Variants in MRTFB observed in about 807,000 individuals in gnomAD.
MRTFB encodes the protein myocardin related transcription factor B.
In MRTFB, 29 loss-of-function variants were observed where a neutral mutation model predicts 104.2. The ratio of observed to expected loss-of-function variants is 0.28; its 90% CI spans 0.21 to 0.38. The LOEUF (loss-of-function observed/expected upper bound fraction) is 0.38, where lower values mean the gene tolerates loss of function less well. Ranked by LOEUF, MRTFB falls within the 10% of genes least tolerant of loss-of-function variation. The pLI is 1.00. For synonymous variants in MRTFB, 535 were observed against 519.5 expected (o/e 1.03, Z -0.41); for missense variants, 1,270 against 1,341.6 (o/e 0.95, Z 0.83).
the MRTFB span, among the ~76,000 whole-genome samples, chr16:14,063,311 T>TA: frequency 6.6e-6 from 1 of 152,214 alleles, no homozygotes; most frequent in African/African-American, 2.4e-5. Flanking sequence ...ATTAATTTTT[T>TA]AAAATCACAT....
At chr16:14,199,612 C>T (rs1327946556) in intron 3 of MRTFB, among the ~76,000 whole-genome samples, 1 of 152,220 alleles carries the variant, frequency 6.6e-6, no homozygotes, top group Non-Finnish European at 1.5e-5. Flanking sequence ...CCTTCAAACA[C>T]ACTGTCCACT....
chr16:14,222,108 T>C (rs751808228), intron 8 of MRTFB, among the ~76,000 whole-genome samples: 1 of 152,138 alleles, frequency 6.6e-6, no homozygotes, highest in Non-Finnish European at 1.5e-5. Context: ...TGTGGACTAA[T>C]CCTTGTAAAG....
intron 3 of MRTFB, among the ~76,000 whole-genome samples, chr16:14,155,066 A>G (rs1264723468): frequency 2.6e-5 from 4 of 152,204 alleles, no homozygotes; most frequent in Admixed American, 6.5e-5. Flanking sequence ...GTTCAAATCT[A>G]TCATCCATCA....
intron 9 of MRTFB, 39 bp from the exon 10 acceptor site, chr16:14,240,198 A>G (rs1251716116): frequency 2.6e-6 from 4 of 1,542,744 alleles, no homozygotes; most frequent in Non-Finnish European, 3.5e-6. Context: ...TTATGTGGTG[A>G]CATCTCTTTA....
At chr16:14,078,494 G>C (rs531906943) in intron 1 of MRTFB, among the ~76,000 whole-genome samples, 3 of 151,862 alleles carry the variant, frequency 2.0e-5, no homozygotes, top group African/African-American at 7.3e-5. Context: ...CAGTGGCACA[G>C]TTATGGCTTA....
chr16:14,106,836 C>G (rs2036005690), intron 2 of MRTFB, among the ~76,000 whole-genome samples: 1 of 152,150 alleles, frequency 6.6e-6, no homozygotes, highest in Non-Finnish European at 1.5e-5. Context: ...GCTCCTATCC[C>G]TAGGCAGCTT....
At chr16:14,037,586 C>T in the MRTFB span, among the ~76,000 whole-genome samples, 2 of 152,104 alleles carry the variant, frequency 1.3e-5, no homozygotes, top group Non-Finnish European at 2.9e-5. Context: ...TCACTGCCTC[C>T]GTATTGGGTG....
chr16:14,228,741 C>G (rs1171828690), intron 8 of MRTFB, among the ~76,000 whole-genome samples: 3 of 152,158 alleles, frequency 2.0e-5, no homozygotes, highest in Non-Finnish European at 4.4e-5. Flanking sequence ...AGTATTCAGC[C>G]TTTAAAAAGG....
the MRTFB span, among the ~76,000 whole-genome samples, chr16:14,056,005 G>A: frequency 1.4e-3 from 220 of 152,044 alleles, no homozygotes; most frequent in Non-Finnish European, 2.8e-3. Context: ...TTGAGACAGA[G>A]TCTCACTCTG....
chr16:14,028,477 C>T, the MRTFB span, among the ~76,000 whole-genome samples: 1 of 152,140 alleles, frequency 6.6e-6, no homozygotes, highest in Non-Finnish European at 1.5e-5. Context: ...CAGTGCTGTG[C>T]TAGGACTGGG....
At chr16:14,055,115 G>A in the MRTFB span, among the ~76,000 whole-genome samples, 3 of 152,198 alleles carry the variant, frequency 2.0e-5, no homozygotes, top group East Asian at 5.8e-4. Flanking sequence ...ACTTTGGGAG[G>A]CTGAGGCGGG....
At chr16:14,079,760 T>A (rs2034283798) in intron 2 of MRTFB, among the ~76,000 whole-genome samples, 1 of 152,108 alleles carries the variant, frequency 6.6e-6, no homozygotes, top group African/African-American at 2.4e-5. Context: ...GGTTTTTTTT[T>A]ACTATAATAA....
chr16:14,128,487 C>T (rs2037269756), intron 2 of MRTFB, among the ~76,000 whole-genome samples: 1 of 152,206 alleles, frequency 6.6e-6, no homozygotes, highest in Admixed American at 6.5e-5. Flanking sequence ...GTAATGCCTT[C>T]ACCTACTGCG....
chr16:14,088,371 G>T (rs1332803619), intron 2 of MRTFB, among the ~76,000 whole-genome samples: 2 of 152,192 alleles, frequency 1.3e-5, no homozygotes, highest in Non-Finnish European at 2.9e-5. Context: ...ACTTGGGCAT[G>T]CAGCTAGTAG....
chr16:14,111,355 G>A (rs917329050), intron 2 of MRTFB, among the ~76,000 whole-genome samples: 5 of 151,998 alleles, frequency 3.3e-5, no homozygotes, highest in Non-Finnish European at 2.9e-5. Flanking sequence ...AGTGGCCTTT[G>A]CCCTTAATAA....
chr16:14,218,798 C>T (rs1201135894), intron 7 of MRTFB, 22 bp from the exon 8 acceptor site: 7 of 1,570,530 alleles, frequency 4.5e-6, no homozygotes, highest in Non-Finnish European at 1.7e-6. Context: ...TAAGTCAAGT[C>T]AAAAATCATT....
intron 10 of MRTFB, among the ~76,000 whole-genome samples, chr16:14,243,071 T>C (rs1220283761): frequency 1.3e-5 from 2 of 152,116 alleles, no homozygotes; most frequent in African/African-American, 4.8e-5. Context: ...TCTAAAAGGC[T>C]CTTTCGGGGG....
intron 3 of MRTFB, among the ~76,000 whole-genome samples, chr16:14,198,497 G>A (rs1290110263): frequency 6.6e-6 from 1 of 152,224 alleles, no homozygotes; most frequent in Non-Finnish European, 1.5e-5. Flanking sequence ...TTTAGAGCCA[G>A]TGAATAACTT....
At chr16:14,005,763 C>T in the MRTFB span, among the ~76,000 whole-genome samples, 1 of 152,294 alleles carries the variant, frequency 6.6e-6, no homozygotes, top group East Asian at 1.9e-4. Flanking sequence ...CAGTCCAGGG[C>T]CCCCTTAGGC....
Sources: gnomAD v4.1 joint callset for allele counts (sites outside exome capture counted in the v4.1 genomes callset) on GRCh38, gnomAD v4.1.1 for gene constraint, MANE v1.5 for transcripts, NCBI Gene and HGNC (gene_info 2026-07-23, HGNC 2026-07-21) for gene names.